The following RIMS1 variants were observed in gnomAD, a reference collection of about 807,000 sequenced individuals.
RIMS1 encodes the protein regulating synaptic membrane exocytosis protein 1.
RIMS1 carries 83 observed loss-of-function variants against 214.1 expected under a neutral mutation model. The ratio of observed to expected loss-of-function variants is 0.39; its 90% CI spans 0.32 to 0.47. RIMS1 has a LOEUF of 0.47. RIMS1 is among the 20% of genes least tolerant of loss of function. The pLI is 0.99. For synonymous variants in RIMS1, 793 were observed against 786.8 expected, an observed-to-expected ratio of 1.01 and a Z score of -0.13; for missense variants, 2,050 against 2,161.8, an observed-to-expected ratio of 0.95 and a Z score of 1.03.
intron 28 of RIMS1, among the ~76,000 whole-genome samples, chr6:72,315,534 T>G (rs1027534034): frequency 6.6e-6 from 1 of 152,232 alleles, no homozygotes; most frequent in African/African-American, 2.4e-5. Flanking sequence ...TGTCAGTGAT[T>G]TGTCATATGC....
intron 29 of RIMS1, among the ~76,000 whole-genome samples, chr6:72,387,365 A>C (rs191186194): frequency 9.9e-5 from 15 of 152,262 alleles, no homozygotes; most frequent in African/African-American, 2.9e-4. Context: ...TTATTATCTC[A>C]TGCTGTCTTG....
chr6:72,336,867 A>G (rs576975225), intron 29 of RIMS1, among the ~76,000 whole-genome samples: 2 of 151,820 alleles, frequency 1.3e-5, no homozygotes, highest in Admixed American at 6.6e-5. Context: ...ATTATCTTTC[A>G]TCTCTCCTAC....
chr6:72,290,814 C>T lies in RIMS1; in HGVS notation c.3690C>T (p.His1230=), dbSNP rs745670942. Reference sequence around the variant, plus strand: ...GTATCAGAACACTGTGTTCTATGCACCACCTTGTCCCTGGAGGGTCGGCGC... The same window carrying T: ...GTATCAGAACACTGTGTTCTATGCATCACCTTGTCCCTGGAGGGTCGGCGC... ...HSSIRTLCSM[H]HLVPGGSAPP... Residue 1230 remains histidine, a synonymous_variant, in exon 25 of 34, where the codon CAC becomes CAT. Transcript: ENST00000521978. The T allele has an allele frequency of 1.2e-6, 2 of 1,613,580 alleles. No homozygotes were observed. The highest frequency in any genetic ancestry group is 2.2e-5 in the East Asian group (1 of 44,872).
chr6:72,388,136 G>A (rs1483358282), intron 29 of RIMS1, among the ~76,000 whole-genome samples: 2 of 152,176 alleles, frequency 1.3e-5, no homozygotes, highest in African/African-American at 4.8e-5. Flanking sequence ...ACCACAAACA[G>A]ATAAAGGTTT....
intron 1 of RIMS1, among the ~76,000 whole-genome samples, chr6:71,947,023 C>T (rs1292867091): frequency 6.6e-6 from 1 of 151,948 alleles, no homozygotes; most frequent in African/African-American, 2.4e-5. Flanking sequence ...CACTGGCCAT[C>T]GGATATGTGA....
rs796541806 is a variant in RIMS1, at chr6:72,402,164, A to G, written c.*1450A>G. 2.5e-4 allele frequency: 38 copies of G among 152,688 alleles called. No individual in the cohort carries two copies. The highest frequency in any genetic ancestry group is 8.9e-4 in the African/African-American group (37 of 41,578). The allele number at this position is 152,688 out of a possible 1,614,324, so 9.5% of individuals were successfully genotyped here. A position where few individuals can be genotyped will look rare whatever the true frequency, so the allele number is the denominator to read the frequency against. On this transcript the variant is annotated 3_prime_UTR_variant, in exon 34 of 34. Transcript: ENST00000521978. ...CTGCATGCACATTTTGTAAAAAAAA[A>G]AAATTTTAAAAAGAAAAGAAACAAA...
chr6:72,006,846 C>A (rs753987777), intron 2 of RIMS1, among the ~76,000 whole-genome samples: 1 of 152,158 alleles, frequency 6.6e-6, no homozygotes, highest in Non-Finnish European at 1.5e-5. Context: ...CTTGGTGGAG[C>A]CCACCACAGA....
chr6:72,026,618 T>C (rs910709409), intron 2 of RIMS1, among the ~76,000 whole-genome samples: 1 of 152,248 alleles, frequency 6.6e-6, no homozygotes, highest in African/African-American at 2.4e-5. Context: ...TTTGCCCAGA[T>C]GTTCTACCAT....
At chr6:72,132,650 T>C (rs2040624931) in intron 4 of RIMS1, among the ~76,000 whole-genome samples, 1 of 152,046 alleles carries the variant, frequency 6.6e-6, no homozygotes, top group Non-Finnish European at 1.5e-5. Flanking sequence ...ATGCTTCAGT[T>C]GGAGAATGGT....
chr6:71,966,688 A>G (rs1290579897), intron 1 of RIMS1, among the ~76,000 whole-genome samples: 1 of 151,950 alleles, frequency 6.6e-6, no homozygotes. Context: ...ACCCGGCTAA[A>G]TTTTGTATTT....
intron 6 of RIMS1, among the ~76,000 whole-genome samples, chr6:72,203,541 G>C (rs563452418): frequency 2.6e-5 from 4 of 152,304 alleles, no homozygotes; most frequent in African/African-American, 9.6e-5. Context: ...GAGGGAACAG[G>C]TTATCCTAGT....
intron 6 of RIMS1, among the ~76,000 whole-genome samples, chr6:72,232,164 T>G (rs1349460883): frequency 1.3e-5 from 2 of 151,646 alleles, no homozygotes; most frequent in African/African-American, 4.8e-5. Flanking sequence ...ATCTCAGTGT[T>G]TCTATTAATT....
chr6:72,317,194 C>G (rs2095851910), intron 28 of RIMS1: 1 of 317,310 alleles, frequency 3.2e-6, no homozygotes, highest in East Asian at 6.6e-5. Flanking sequence ...GGACTTGATG[C>G]TGAAGCCCTC....
At chr6:72,245,531 G>C (rs1438043835) in intron 10 of RIMS1, among the ~76,000 whole-genome samples, 6 of 151,984 alleles carry the variant, frequency 3.9e-5, no homozygotes, top group Admixed American at 3.9e-4. Flanking sequence ...AAAACCTGCT[G>C]TTTTGGTAGT....
intron 29 of RIMS1, among the ~76,000 whole-genome samples, chr6:72,368,229 C>CT (rs950641478): frequency 4.3e-4 from 62 of 142,948 alleles, no homozygotes; most frequent in African/African-American, 1.5e-3. Flanking sequence ...AAAAAAGTTT[C>CT]TTTTTTCCCC....
chr6:72,164,089 G>T (rs998667154), intron 4 of RIMS1, among the ~76,000 whole-genome samples: 1 of 152,160 alleles, frequency 6.6e-6, no homozygotes, highest in Non-Finnish European at 1.5e-5. Flanking sequence ...CCTTGGCAAT[G>T]GTGGGCGCCC....
chr6:71,931,697 G>A lies in RIMS1; in HGVS notation c.165-37286G>A, dbSNP rs561116532. ...GAAATTTTCTCCCATTCTGTAGTTT[G>A]TCTGTTTACTCTATTGATAGTTTCT... On this transcript the variant is annotated intron_variant, in intron 1 of 33. Coordinates refer to ENST00000521978, the MANE Select transcript of RIMS1 (RefSeq NM_014989.7). Among the ~76,000 whole-genome samples the A allele has an allele frequency of 2.6e-4, 39 of 151,888 alleles. 1 individual carries two copies. In the South Asian group the frequency reaches 8.1e-3, roughly 32 times the overall value.
In RIMS1 at chr6:72,136,942, C is replaced by T. The variant is rs899663115; in HGVS notation, c.471+36956C>T. ...ACACTAAAACTATATTAATAAAAAT[C>T]AAGGAATGGGACACTAACCGATTAT... On this transcript the variant is annotated intron_variant, in intron 4 of 33. Coordinates refer to ENST00000521978, the MANE Select transcript of RIMS1 (RefSeq NM_014989.7). Among the ~76,000 whole-genome samples the T allele has an allele frequency of 5.3e-5, 8 of 151,932 alleles. No individual in the cohort carries two copies. The East Asian group carries it at 1.4e-3, about 26-fold the overall frequency.
chr6:71,917,374 G>A (rs1275525368), intron 1 of RIMS1, among the ~76,000 whole-genome samples: 1 of 152,112 alleles, frequency 6.6e-6, no homozygotes, highest in Non-Finnish European at 1.5e-5. Flanking sequence ...AAACCTGAAT[G>A]AAACAGAGAA....
Sources: gnomAD v4.1 joint callset for allele counts (sites outside exome capture counted in the v4.1 genomes callset) on GRCh38, gnomAD v4.1.1 for gene constraint, MANE v1.5 for transcripts, NCBI Gene and HGNC (gene_info 2026-07-23, HGNC 2026-07-21) for gene names.